Variants in LYST observed in about 807,000 individuals in gnomAD.
The protein encoded by LYST is lysosomal-trafficking regulator.
Under a neutral mutation model 413.6 loss-of-function variants are expected in LYST, and 192 were observed. The observed-to-expected ratio is 0.46, with a 90% CI of 0.41 to 0.52. The LOEUF is 0.52. Ranked by LOEUF, LYST falls within the 20% of genes least tolerant of loss-of-function variation. LYST has a pLI of 0.00. For synonymous variants in LYST, 1,525 were observed against 1,567.3 expected, an observed-to-expected ratio of 0.97 and a Z score of 0.64; for missense variants, 3,815 against 4,499.9, an observed-to-expected ratio of 0.85 and a Z score of 4.35.
Position 235,806,100 on chromosome 1 carries a change from C to CT in LYST, c.3035dup (p.Glu1013GlyfsTer8). ...TTTCATTTACACTTGTATCTCCCTC[C>CT]TTTTTTCCTTGCTCCTCTTTGTGAC... On this transcript the variant is annotated frameshift_variant, in exon 6 of 53. Transcript: ENST00000389793. LOFTEE classifies it high-confidence loss of function. The CT allele has an allele frequency of 6.2e-7, 1 of 1,613,766 alleles. No homozygotes were observed. Among genetic ancestry groups the CT allele is most frequent in the Non-Finnish European group, 8.5e-7 (1 of 1,179,860 alleles).
intron 10 of LYST, among the ~76,000 whole-genome samples, chr1:235,794,477 C>A (rs905874820): frequency 9.2e-5 from 14 of 152,014 alleles, no homozygotes; most frequent in African/African-American, 3.4e-4. Context: ...ATTTGTAGAG[C>A]AAATTATAGT....
chr1:235,693,364 A>T lies in LYST; in HGVS notation c.10687T>A (p.Ser3563Thr). 1.2e-6 allele frequency: 2 copies of T among 1,609,952 alleles called. No homozygotes were observed. The highest frequency in any genetic ancestry group is 2.2e-5 in the South Asian group (2 of 90,986). Residue 3563 changes from serine to threonine, a missense_variant, in exon 47 of 53, where the codon TCA becomes ACA. Physicochemically the swap from Ser to Thr is moderately conservative, Grantham distance 58. Around this residue, in one of 4 missense-constraint regions of LYST, gnomAD observed 866 missense variants for 1,156.0 expected, o/e 0.75. Coordinates refer to ENST00000389793, the MANE Select transcript of LYST (RefSeq NM_000081.4). ...AAAGTGTTTACCTGGTACTGTTGTG[A>T]ACTTTGAATAAAGTTTACTGGAGGC... ...SEPPVNFIQS[S>T]QQYQVTSCAW... is the part of the protein sequence containing the mutation.
intron 38 of LYST, among the ~76,000 whole-genome samples, chr1:235,724,436 C>T (rs867697354): frequency 5.9e-5 from 9 of 152,222 alleles, no homozygotes; most frequent in South Asian, 2.1e-4. Flanking sequence ...AGAATTCTCA[C>T]GTATCCTCCC....
In LYST at chr1:235,731,161, G is replaced by T. The variant is rs375839384; in HGVS notation, c.8818C>A (p.Pro2940Thr). ...TGCCATGAGGTTGGATAGTAGATGG[G>T]GTCATACCATACTGCTCTGCAAGTA... Reference protein sequence around the residue: ...LTHDRAVWYDPIYYPTSWQLD... With the variant: ...LTHDRAVWYDTIYYPTSWQLD... The change falls in exon 35 of 53, where the codon CCC becomes ACC. Residue 2940 changes from proline (P) to threonine (T), a missense_variant. Physicochemically the swap from Pro to Thr is conservative, Grantham distance 38 (BLOSUM62 -1). Transcript: ENST00000389793. 9 of 1,613,742 alleles carry T rather than the reference G, an allele frequency of 5.6e-6. No homozygotes were observed. Among genetic ancestry groups the T allele is most frequent in the Admixed American group, 1.7e-5 (1 of 59,984 alleles).
chr1:235,730,822 T>C, intron 36 of LYST, 25 bp downstream of exon 36: 1 of 1,284,662 alleles, frequency 7.8e-7, no homozygotes, highest in Non-Finnish European at 1.1e-6. Context: ...CATGAAAGAG[T>C]GAAGGTCTAT....
intron 1 of LYST, among the ~76,000 whole-genome samples, chr1:235,844,254 A>C (rs1677537465): frequency 7.8e-6 from 1 of 127,494 alleles, no homozygotes; most frequent in Non-Finnish European, 1.7e-5. Context: ...TAAAAATAAA[A>C]AATCTTTATG....
upstream of LYST, among the ~76,000 whole-genome samples, chr1:235,869,480 A>T (rs376872960): frequency 1.2e-3 from 177 of 152,352 alleles, 1 homozygote; most frequent in African/African-American, 1.7e-3. Flanking sequence ...TCAAAAAAAA[A>T]AATAATAATT....
intron 1 of LYST, among the ~76,000 whole-genome samples, chr1:235,882,451 T>A (rs567331298): frequency 6.6e-6 from 1 of 152,324 alleles, no homozygotes; most frequent in African/African-American, 2.4e-5. Context: ...GCTGGATATA[T>A]GCCCAAGCTT....
At chr1:235,769,015 TTAAAACAAAA>T (rs935939539) in intron 20 of LYST, among the ~76,000 whole-genome samples, 23 of 151,186 alleles carry the variant, frequency 1.5e-4, no homozygotes, top group African/African-American at 5.7e-4. Flanking sequence ...ACAGTGTGAT[TTAAAACAAAA>T]CAAAACAAAA....
intron 20 of LYST, 53 bp from the exon 21 acceptor site, chr1:235,766,330 A>G (rs1668148358): frequency 7.3e-7 from 1 of 1,378,682 alleles, no homozygotes; most frequent in Non-Finnish European, 1.0e-6. Context: ...CAACTTAACT[A>G]AGATTTTTCA....
intron 45 of LYST, 27 bp from the exon 46 acceptor site, chr1:235,697,299 G>A (rs1191579460): frequency 3.2e-6 from 5 of 1,553,108 alleles, no homozygotes; most frequent in Non-Finnish European, 3.5e-6. Flanking sequence ...TAAAAAGTAT[G>A]GCTTTTTAAA....
intron 25 of LYST, 52 bp downstream of exon 25, chr1:235,755,423 GAAA>G: frequency 7.1e-7 from 1 of 1,417,896 alleles, no homozygotes; most frequent in Admixed American, 1.7e-5. Flanking sequence ...GAAAAGAAAA[GAAA>G]AGAAAAAAGA....
At position 235,689,026 on chromosome 1, in the gene LYST, TAAC is replaced by T. The variant is rs1184158926; in HGVS notation, c.10702-1982_10702-1980del. ...ATAATAATAATAATAATAATAATAA[TAAC>T]AACAACAACAACAACAACAATAATA... On this transcript the variant is annotated intron_variant, in intron 47 of 52. Coordinates refer to ENST00000389793, the MANE Select transcript of LYST (RefSeq NM_000081.4). 8.6e-3 allele frequency among the ~76,000 whole-genome samples: 798 copies of T among 92,928 alleles called. 8 individuals carry two copies. The highest frequency in any genetic ancestry group is 0.017 in the South Asian group (61 of 3,640). 61.0% of individuals were successfully genotyped at this position (92,928 alleles called of 152,430 possible).
intron 45 of LYST, among the ~76,000 whole-genome samples, chr1:235,697,772 T>TA (rs1661222425): frequency 6.6e-6 from 1 of 152,188 alleles, no homozygotes; most frequent in African/African-American, 2.4e-5. Flanking sequence ...CTCAAATAGA[T>TA]ACGTGATGAG....
rs1558282907 is a variant in LYST at position 235,809,362 on chromosome 1, C to CT, written c.1455dup (p.Val486SerfsTer20). The CT allele has an allele frequency of 3.1e-6, 5 of 1,613,966 alleles. No homozygotes were observed. Among genetic ancestry groups the CT allele is most frequent in the Non-Finnish European group, 4.2e-6 (5 of 1,179,980 alleles). On this transcript the variant is annotated frameshift_variant, in exon 5 of 53. Transcript: ENST00000389793. LOFTEE classifies it high-confidence loss of function. This position sits in a 1 kb window ranked among gnomAD's most constrained non-coding sequence, Gnocchi z 4.0. ...GAATGATGAAGTTGCTCTGATTTCA[C>CT]TTTTTTGACAGTGCTCATTATTTTC... is the stretch of plus-strand genomic sequence containing the variant.
At chr1:235,722,363 G>C (rs991528201) in intron 39 of LYST, among the ~76,000 whole-genome samples, 2 of 152,210 alleles carry the variant, frequency 1.3e-5, no homozygotes, top group East Asian at 1.9e-4. Flanking sequence ...TAATCTGAAG[G>C]GGGGCTAAGG....
At chr1:235,833,494 G>T in intron 2 of LYST, 84 bp downstream of exon 2, 1 of 210,564 alleles carries the variant, frequency 4.7e-6, no homozygotes, top group Non-Finnish European at 8.2e-6. Flanking sequence ...TTAACTTTGG[G>T]GTTTAACGAA....
intron 1 of LYST, among the ~76,000 whole-genome samples, chr1:235,874,844 C>CGT (rs1440088385): frequency 2.6e-5 from 4 of 152,002 alleles, no homozygotes; most frequent in African/African-American, 9.7e-5. Context: ...TTTGTATGGG[C>CGT]GTGTGTGTGC....
Position 235,810,544 on chromosome 1 carries a change from T to C in LYST, c.284-10A>G, listed in dbSNP as rs1251326597. The C allele has an allele frequency of 1.2e-6, 2 of 1,608,056 alleles. No homozygotes were observed. The highest frequency in any genetic ancestry group is 3.3e-5 in the Admixed American group (2 of 59,930). On this transcript the variant is annotated splice_polypyrimidine_tract_variant and intron_variant, in intron 4 of 52. Coordinates refer to ENST00000389793, the MANE Select transcript of LYST (RefSeq NM_000081.4). ...AGCGGTAGGTTAAAATCTAATGGAA[T>C]GAAAAAAGAAGGCTTAGAATACCTC...
Sources: allele counts gnomAD v4.1 joint callset (sites outside exome capture counted in the v4.1 genomes callset), GRCh38; gene constraint gnomAD v4.1.1; regional missense constraint gnomAD v4.1.1; non-coding constraint Gnocchi (gnomAD v3.1); transcripts MANE v1.5; gene names NCBI Gene and HGNC (gene_info 2026-07-23, HGNC 2026-07-21).